Variants in NFE2L2 observed in about 807,000 individuals in gnomAD.
The protein encoded by NFE2L2 is nuclear factor erythroid 2-related factor 2.
NFE2L2 carries 20 observed loss-of-function variants against 49.6 expected under a neutral mutation model. The observed-to-expected ratio is 0.40, with a 90% CI of 0.28 to 0.59. The LOEUF is 0.59. NFE2L2 is among the 20% of genes least tolerant of loss of function. The probability of loss-of-function intolerance (pLI) is 0.40; values close to 1 mark genes in which losing one functional copy is unlikely to be tolerated. For synonymous variants in NFE2L2, 244 were observed against 256.5 expected (o/e 0.95, Z 0.47); for missense variants, 578 against 714.2 (o/e 0.81, Z 2.17).
intron 1 of NFE2L2, among the ~76,000 whole-genome samples, chr2:177,235,624 G>A (rs545486355): frequency 2.0e-5 from 3 of 152,238 alleles, no homozygotes; most frequent in African/African-American, 7.2e-5. Context: ...GAGCACAGGA[G>A]TTACTAGCCT....
At chr2:177,257,542 A>G (rs967725856) in intron 1 of NFE2L2, among the ~76,000 whole-genome samples, 1 of 152,242 alleles carries the variant, frequency 6.6e-6, no homozygotes, top group Non-Finnish European at 1.5e-5. Flanking sequence ...CAAAGACAAA[A>G]GCACTTGCTT....
chr2:177,238,854 C>T (rs1047597253), intron 1 of NFE2L2, among the ~76,000 whole-genome samples: 2 of 152,164 alleles, frequency 1.3e-5, no homozygotes, highest in African/African-American at 4.8e-5. Flanking sequence ...AATAATAAAG[C>T]AAATTAATAA....
chr2:177,247,631 C>T (rs1242383540), intron 1 of NFE2L2, among the ~76,000 whole-genome samples: 5 of 149,364 alleles, frequency 3.3e-5, no homozygotes, highest in Non-Finnish European at 7.4e-5. Context: ...AAGCCGAGAT[C>T]GTGCCATTGC....
At chr2:177,234,505 C>A (rs1689672820) in intron 1 of NFE2L2, among the ~76,000 whole-genome samples, 1 of 152,152 alleles carries the variant, frequency 6.6e-6, no homozygotes, top group Admixed American at 6.5e-5. Flanking sequence ...CCATTCTAAT[C>A]ACTTGGATCA....
rs867884097 is a variant in NFE2L2, at chr2:177,257,390, A to G, written c.45+7142T>C. Among the ~76,000 whole-genome samples the G allele has an allele frequency of 1.4e-4, 22 of 152,320 alleles. No homozygotes were observed. In the South Asian group the frequency reaches 3.5e-3, roughly 24 times the overall value. ...TGACCCACTTCAGGGAAGCCCTTTC[A>G]TAACAAAGTTACCCAAATCTTCTGG... is the stretch of plus-strand genomic sequence containing the variant. On this transcript the variant is annotated intron_variant, in intron 1 of 4. Transcript: ENST00000397062.
intron 1 of NFE2L2, among the ~76,000 whole-genome samples, chr2:177,257,278 A>G (rs2105491308): frequency 6.6e-6 from 1 of 152,328 alleles, no homozygotes; most frequent in Middle Eastern, 3.4e-3. Context: ...TTCTGTCCTC[A>G]CTGGCTTCTC....
At chr2:177,233,499 C>T (rs1307227193) in intron 2 of NFE2L2, 160 bp from the exon 3 acceptor site, 3 of 626,028 alleles carry the variant, frequency 4.8e-6, no homozygotes, top group Non-Finnish European at 8.1e-6. Flanking sequence ...TGAACTAGAC[C>T]ACATGGGTTC....
chr2:177,257,466 G>T (rs888497738), intron 1 of NFE2L2, among the ~76,000 whole-genome samples: 1 of 152,166 alleles, frequency 6.6e-6, no homozygotes, highest in African/African-American at 2.4e-5. Flanking sequence ...TCAAACACTC[G>T]CCAGGCACTT....
chr2:177,230,317 C>T lies in NFE2L2; in HGVS notation c.*468G>A, dbSNP rs35911553. 4.7e-3 allele frequency: 1,081 copies of T among 229,748 alleles called. 8 individuals are homozygous for T. Among genetic ancestry groups the T allele is most frequent in the African/African-American group, 0.023 (1,026 of 45,172 alleles). 14.2% of individuals were successfully genotyped at this position (229,748 alleles called of 1,614,324 possible). On this transcript the variant is annotated 3_prime_UTR_variant, in exon 5 of 5. Coordinates refer to ENST00000397062, the MANE Select transcript of NFE2L2 (RefSeq NM_006164.5). ...AATCCCAAACAAATAATTTAACAGT[C>T]ATAATAATCCTTTATTAGTACCAGC...
In NFE2L2 at chr2:177,230,875, A is replaced by G. The variant is rs200750800; in HGVS notation, c.1728T>C (p.Tyr576=). 63 of 1,613,658 alleles carry G rather than the reference A, an allele frequency of 3.9e-5. No homozygotes were observed. Among genetic ancestry groups the G allele is most frequent in the Non-Finnish European group, 5.1e-5 (60 of 1,179,920 alleles). ...SMLRDEDGKP[Y]SPSEYSLQQT... ...GCTGCAGGGAGTATTCACTAGGAGA[A>G]TAAGGTTTTCCATCTTCATCACGTA... Residue 576 remains tyrosine (Y), a synonymous_variant, in exon 5 of 5, where the codon TAT becomes TAC. Transcript: ENST00000397062.
intron 2 of NFE2L2, chr2:177,233,711 C>G (rs1274059325): frequency 7.6e-6 from 4 of 528,758 alleles, no homozygotes; most frequent in Middle Eastern, 4.9e-4. Context: ...GGTTCTCCTG[C>G]TACTACTTCT....
intron 1 of NFE2L2, among the ~76,000 whole-genome samples, chr2:177,248,794 C>T (rs1266694153): frequency 3.3e-5 from 5 of 152,124 alleles, no homozygotes; most frequent in Non-Finnish European, 7.4e-5. Context: ...AAGACTGTGC[C>T]TTTGCTCTCA....
intron 1 of NFE2L2, among the ~76,000 whole-genome samples, chr2:177,257,441 T>C (rs927825890): frequency 3.3e-5 from 5 of 152,228 alleles, no homozygotes; most frequent in Admixed American, 2.0e-4. Flanking sequence ...CCAGGTTATA[T>C]ATATTTAGTG....
At chr2:177,264,362 C>T (rs1690860666) in intron 1 of NFE2L2, 170 bp downstream of exon 1, 2 of 603,874 alleles carry the variant, frequency 3.3e-6, no homozygotes, top group Non-Finnish European at 5.2e-6. Context: ...CCCGCTGCCC[C>T]TCCCCGCCCT....
At position 177,231,235 on chromosome 2, in the gene NFE2L2, T is replaced by A. The variant is rs1325387301; in HGVS notation, c.1368A>T (p.Arg456Ser). 6.2e-7 allele frequency: 1 copy of A among 1,614,252 alleles called. No individual in the cohort carries two copies. Among genetic ancestry groups the A allele is most frequent in the South Asian group, 1.1e-5 (1 of 91,090 alleles). ...GGAGAGCTTTTGCCCTAAGTTCATC[T>A]CTTGTGAGATGAGCCTCCAAGCGGC... ...HSSRLEAHLTRDELRAKALHI... is the reference protein window; with the variant it reads ...HSSRLEAHLTSDELRAKALHI... The change falls in exon 5 of 5, where the codon AGA becomes AGT. Residue 456 changes from arginine (R) to serine (S), a missense_variant. Transcript: ENST00000397062.
At position 177,233,257 on chromosome 2, in the gene NFE2L2, T is replaced by C. The variant is rs755268986; in HGVS notation, c.395A>G (p.Asp132Gly). 6.3e-7 allele frequency: 1 copy of C among 1,591,200 alleles called. No homozygotes were observed. Among genetic ancestry groups the C allele is most frequent in the South Asian group, 1.2e-5 (1 of 86,374 alleles). The change falls in exon 3 of 5, where the codon GAC (aspartate) becomes GGC (glycine). Residue 132 changes from aspartate to glycine, a missense_variant. Around this residue, in one of 3 missense-constraint regions of NFE2L2, gnomAD observed 368 missense variants for 384.6 expected, o/e 0.96. Transcript: ENST00000397062. The part of the protein sequence containing the change: ...LLAQTFPFVD[D>G]NEVSSATFQS... Reference sequence around the variant, plus strand: ...GGTTATTTTATACCTCACCTCATTGTCATCTACAAACGGGAATGTCTGCGC... The same window carrying C: ...GGTTATTTTATACCTCACCTCATTGCCATCTACAAACGGGAATGTCTGCGC...
intron 1 of NFE2L2, among the ~76,000 whole-genome samples, chr2:177,259,680 C>A (rs868602887): frequency 6.6e-6 from 1 of 152,060 alleles, no homozygotes; most frequent in Non-Finnish European, 1.5e-5. Context: ...AGCTTGTAAT[C>A]CCAGCACTTT....
intron 1 of NFE2L2, 154 bp downstream of exon 1, chr2:177,264,378 G>C: frequency 1.1e-5 from 7 of 655,510 alleles, no homozygotes; most frequent in East Asian, 3.7e-5. Flanking sequence ...GCCCTGCCCC[G>C]GCGCAAGCGC....
rs907873833 is a variant in NFE2L2, at chr2:177,235,275, AAAC to A, written c.46-1007_46-1005del. On this transcript the variant is annotated intron_variant, in intron 1 of 4. Transcript: ENST00000397062. ...ACCCTGTTTCTACCAAAACAAAAAC[AAAC>A]AACAACAACAACAACTGGTGTGGTG... Among the ~76,000 whole-genome samples, 560 of 151,424 alleles carry A rather than the reference AAAC, an allele frequency of 3.7e-3. 2 individuals carry two copies. Among genetic ancestry groups the A allele is most frequent in the African/African-American group, 0.012 (486 of 41,206 alleles).
Sources: gnomAD v4.1 joint callset for allele counts (sites outside exome capture counted in the v4.1 genomes callset) on GRCh38, gnomAD v4.1.1 for gene constraint, gnomAD v4.1.1 regional missense constraint, MANE v1.5 for transcripts, NCBI Gene and HGNC (gene_info 2026-07-23, HGNC 2026-07-21) for gene names.